The following NSG2 variants were observed in gnomAD, a reference collection of about 807,000 sequenced individuals.
The protein encoded by NSG2 is neuronal vesicle trafficking-associated protein 2.
Under a neutral mutation model 16.9 loss-of-function variants are expected in NSG2, and 4 were observed. The ratio of observed to expected loss-of-function variants is 0.24; its 90% CI spans 0.12 to 0.54. The LOEUF is 0.54. Ranked by LOEUF, NSG2 falls within the 20% of genes least tolerant of loss-of-function variation. The probability of loss-of-function intolerance (pLI) is 0.95; values close to 1 mark genes in which losing one functional copy is unlikely to be tolerated. For synonymous variants in NSG2, 98 were observed against 88.7 expected (o/e 1.11, Z -0.59); for missense variants, 179 against 221.1 (o/e 0.81, Z 1.21).
intron 2 of NSG2, among the ~76,000 whole-genome samples, chr5:174,052,463 T>G (rs1759904131): frequency 6.6e-6 from 1 of 152,164 alleles, no homozygotes; most frequent in African/African-American, 2.4e-5. Context: ...CAGTGGAAAT[T>G]ACTGGCTGAT....
intron 2 of NSG2, among the ~76,000 whole-genome samples, chr5:174,058,810 G>C (rs948390077): frequency 6.6e-6 from 1 of 152,196 alleles, no homozygotes; most frequent in African/African-American, 2.4e-5. Flanking sequence ...ACACTTCCTC[G>C]GGGTGAAGAC....
At chr5:174,094,951 A>G (rs923690755) in intron 3 of NSG2, among the ~76,000 whole-genome samples, 11 of 152,224 alleles carry the variant, frequency 7.2e-5, no homozygotes, top group East Asian at 3.9e-4. Flanking sequence ...GACACACGCA[A>G]TGAACAATTG....
rs548301435 is a variant in NSG2, at chr5:174,087,411, G to A, written c.214-16817G>A. On this transcript the variant is annotated intron_variant, in intron 3 of 4. Transcript: ENST00000303177. ...TATAGGCAGGTGACTTAACTACTCC[G>A]TGTTTCATTTTCTTCATGTATAAAA... is the stretch of plus-strand genomic sequence containing the variant. 7.2e-5 allele frequency among the ~76,000 whole-genome samples: 11 copies of A among 152,206 alleles called. No individual in the cohort carries two copies. The South Asian group carries it at 1.5e-3, about 20-fold the overall frequency.
Position 174,080,986 on chromosome 5 carries a change from G to GT in NSG2, c.213+16681dup, listed in dbSNP as rs147855518. On this transcript the variant is annotated intron_variant, in intron 3 of 4. Coordinates refer to ENST00000303177, the MANE Select transcript of NSG2 (RefSeq NM_015980.5). Reference sequence around the variant, plus strand: ...AAATTTATTCCAAAGTATTTTACCTGTTTTTTTTTTGTTGTTGATATTGTA... The same window carrying GT: ...AAATTTATTCCAAAGTATTTTACCTGTTTTTTTTTTTGTTGTTGATATTGTA... Among the ~76,000 whole-genome samples, 1,331 of 146,638 alleles carry GT rather than the reference G, an allele frequency of 9.1e-3. 7 individuals are homozygous for GT. The highest frequency in any genetic ancestry group is 0.017 in the Admixed American group (255 of 14,718).
chr5:174,070,039 G>A (rs9313663), intron 3 of NSG2, among the ~76,000 whole-genome samples: 3,156 of 151,792 alleles, frequency 0.021, 123 homozygotes, highest in African/African-American at 0.072. Context: ...CACCATGCTC[G>A]GCTAATTTAA....
intron 2 of NSG2, among the ~76,000 whole-genome samples, chr5:174,060,729 C>T (rs1419350583): frequency 3.9e-5 from 6 of 152,184 alleles, no homozygotes; most frequent in Non-Finnish European, 7.3e-5. Flanking sequence ...CTCATTGAGG[C>T]TGTCGACAGA....
intron 3 of NSG2, among the ~76,000 whole-genome samples, chr5:174,093,325 G>C (rs938816457): frequency 2.0e-5 from 3 of 152,162 alleles, no homozygotes; most frequent in Admixed American, 6.5e-5. Context: ...CTATCCTGAG[G>C]GCTTTTATGC....
In NSG2 at chr5:174,064,262, C is replaced by G; in HGVS notation, c.160C>G (p.Pro54Ala). ...VIVKTRTEYQ[P>A]EQKNKGKFRV... The stretch of plus-strand genomic sequence containing the variant: ...TGTGAAGACAAGAACGGAATATCAG[C>G]CGGAACAGAAGAACAAAGGGAAGTT... Residue 54 changes from proline (P) to alanine (A), a missense_variant, in exon 3 of 5, where the codon CCG (proline) becomes GCG (alanine). Coordinates refer to ENST00000303177, the MANE Select transcript of NSG2 (RefSeq NM_015980.5). The G allele has an allele frequency of 1.2e-6, 2 of 1,611,490 alleles. No homozygotes were observed. The highest frequency in any genetic ancestry group is 1.7e-6 in the Non-Finnish European group (2 of 1,178,346).
chr5:174,073,391 A>G (rs1394311879), intron 3 of NSG2, among the ~76,000 whole-genome samples: 1 of 152,202 alleles, frequency 6.6e-6, no homozygotes, highest in Non-Finnish European at 1.5e-5. Context: ...TTTTTAGGCA[A>G]GTTATTAAAA....
In NSG2 at chr5:174,061,377, T is replaced by C. The variant is rs370539530; in HGVS notation, c.130-2855T>C. ...CCTGCATGTATGTTCTTTCATTTGG[T>C]CCATCCCAGAATGCTGTGAACTAGC... On this transcript the variant is annotated intron_variant, in intron 2 of 4. Transcript: ENST00000303177. Among the ~76,000 whole-genome samples, 13 of 152,344 alleles carry C rather than the reference T, an allele frequency of 8.5e-5. 1 individual carries two copies. The highest frequency in any genetic ancestry group is 3.1e-4 in the African/African-American group (13 of 41,582).
intron 3 of NSG2, among the ~76,000 whole-genome samples, chr5:174,073,655 G>A (rs554619079): frequency 7.9e-5 from 12 of 152,284 alleles, no homozygotes; most frequent in African/African-American, 2.9e-4. Context: ...CAAAGCAATC[G>A]TGGCTTAATT....
At chr5:174,105,106 AATTG>A (rs1760955650) in intron 4 of NSG2, among the ~76,000 whole-genome samples, 1 of 152,240 alleles carries the variant, frequency 6.6e-6, no homozygotes, top group African/African-American at 2.4e-5. Flanking sequence ...ACATTATCTC[AATTG>A]AGCTGTACAA....
In NSG2 at chr5:174,046,799, C is replaced by T. The variant is rs201644115; in HGVS notation, c.44C>T (p.Pro15Leu). Residue 15 changes from proline (P) to leucine (L), a missense_variant, in exon 2 of 5, where the codon CCG (proline) becomes CTG (leucine). Coordinates refer to ENST00000303177, the MANE Select transcript of NSG2 (RefSeq NM_015980.5). ...NSNPSEKGTK[P>L]PSVEDGFQTV... ...AACCCCAGCGAGAAGGGAACCAAGC[C>T]GCCTTCAGTTGAGGATGGCTTCCAG... is the stretch of plus-strand genomic sequence containing the variant. 34 of 1,614,098 alleles carry T rather than the reference C, an allele frequency of 2.1e-5. No homozygotes were observed. The highest frequency in any genetic ancestry group is 2.5e-5 in the Non-Finnish European group (29 of 1,180,010).
intron 3 of NSG2, among the ~76,000 whole-genome samples, chr5:174,104,006 A>C (rs1224667810): frequency 6.6e-6 from 1 of 152,104 alleles, no homozygotes; most frequent in Non-Finnish European, 1.5e-5. Context: ...AACAAAAAAA[A>C]CCAAAACAAA....
At chr5:174,079,509 A>G (rs1760410764) in intron 3 of NSG2, among the ~76,000 whole-genome samples, 1 of 151,726 alleles carries the variant, frequency 6.6e-6, no homozygotes, top group African/African-American at 2.4e-5. Flanking sequence ...GCCTGCCTCA[A>G]CCTCCCAAAG....
intron 2 of NSG2, among the ~76,000 whole-genome samples, chr5:174,062,994 A>C (rs1196918785): frequency 6.6e-6 from 1 of 152,220 alleles, no homozygotes; most frequent in Non-Finnish European, 1.5e-5. Flanking sequence ...GACCCTGGAC[A>C]AGTGACTTAG....
intron 3 of NSG2, among the ~76,000 whole-genome samples, chr5:174,085,521 A>C (rs1760594869): frequency 1.3e-5 from 2 of 152,186 alleles, no homozygotes; most frequent in Non-Finnish European, 2.9e-5. Flanking sequence ...AATTAAAATT[A>C]TCATCATGGC....
chr5:174,051,981 T>G (rs1243017032), intron 2 of NSG2, among the ~76,000 whole-genome samples: 4 of 151,920 alleles, frequency 2.6e-5, no homozygotes, highest in African/African-American at 9.7e-5. Flanking sequence ...TTATGTGGAT[T>G]GTTTGTTTTT....
At chr5:174,081,310 A>G (rs1760461391) in intron 3 of NSG2, among the ~76,000 whole-genome samples, 1 of 151,940 alleles carries the variant, frequency 6.6e-6, no homozygotes, top group African/African-American at 2.4e-5. Flanking sequence ...GTACTTTCAG[A>G]TTTGCTATTT....
Sources: gnomAD v4.1 joint callset for allele counts (sites outside exome capture counted in the v4.1 genomes callset) on GRCh38, gnomAD v4.1.1 for gene constraint, MANE v1.5 for transcripts, NCBI Gene and HGNC (gene_info 2026-07-23, HGNC 2026-07-21) for gene names.